The following EPB41L3 variants were observed in gnomAD, a reference collection of about 807,000 sequenced individuals.
The protein encoded by EPB41L3 is band 4.1-like protein 3.
In EPB41L3, 57 loss-of-function variants were observed where a neutral mutation model predicts 127.1. The observed-to-expected ratio is 0.45, with a 90% CI of 0.36 to 0.56. EPB41L3 has a LOEUF of 0.56. Ranked by LOEUF, EPB41L3 falls within the 20% of genes least tolerant of loss-of-function variation. The probability of loss-of-function intolerance (pLI) is 0.00; values close to 1 mark genes in which losing one functional copy is unlikely to be tolerated. For synonymous variants in EPB41L3, 572 were observed against 549.5 expected (o/e 1.04, Z -0.57); for missense variants, 1,273 against 1,372.2 (o/e 0.93, Z 1.14).
intron 3 of EPB41L3, among the ~76,000 whole-genome samples, chr18:5,582,093 G>C (rs1446714347): frequency 6.6e-6 from 1 of 152,212 alleles, no homozygotes; most frequent in East Asian, 1.9e-4. Context: ...GTTTTACATC[G>C]AACTAGAAAC....
rs367976460 is a variant in EPB41L3 at position 5,617,993 on chromosome 18, G to A, written c.-467-3570C>T. 1.1e-4 allele frequency among the ~76,000 whole-genome samples: 17 copies of A among 152,262 alleles called. No individual in the cohort carries two copies. In the East Asian group the frequency reaches 1.9e-3, roughly 17 times the overall value. ...GGCTTCCTGTTCCAAGGTCCCATAA[G>A]TAATATTAATACTGCAGTTCCAAAA... On this transcript the variant is annotated intron_variant, in intron 1 of 21. Coordinates refer to the EPB41L3 transcript ENST00000545076.
chr18:5,440,282 A>T (rs1469854152), intron 5 of EPB41L3, among the ~76,000 whole-genome samples: 2 of 152,182 alleles, frequency 1.3e-5, no homozygotes, highest in African/African-American at 2.4e-5. Context: ...CACACAAAAA[A>T]CACATCTTTC....
At chr18:5,550,730 GA>G (rs2093952408) in intron 3 of EPB41L3, among the ~76,000 whole-genome samples, 1 of 152,164 alleles carries the variant, frequency 6.6e-6, no homozygotes, top group African/African-American at 2.4e-5. Context: ...ACTGGGAGAT[GA>G]AATTGTGTTC....
chr18:5,561,364 G>A (rs1046397729), intron 3 of EPB41L3, among the ~76,000 whole-genome samples: 5 of 152,120 alleles, frequency 3.3e-5, no homozygotes, highest in Admixed American at 6.6e-5. Context: ...TTTAAAAAGG[G>A]GACAGGGGGA....
intron 1 of EPB41L3, among the ~76,000 whole-genome samples, chr18:5,517,183 A>T (rs979136996): frequency 1.4e-4 from 21 of 152,136 alleles, no homozygotes; most frequent in Non-Finnish European, 2.4e-4. Flanking sequence ...ATGAATGAAC[A>T]AATCAGAGGA....
intron 1 of EPB41L3, among the ~76,000 whole-genome samples, chr18:5,537,825 G>A (rs746202509): frequency 7.2e-5 from 11 of 152,062 alleles, no homozygotes; most frequent in Non-Finnish European, 1.3e-4. Context: ...GTCAAAATGG[G>A]AAATGAAGAA....
At position 5,423,093 on chromosome 18, in the gene EPB41L3, G is replaced by C. The variant is rs550379076; in HGVS notation, c.1339+285C>G. On this transcript the variant is annotated intron_variant, in intron 11 of 22. Coordinates refer to ENST00000341928, the MANE Select transcript of EPB41L3 (RefSeq NM_012307.5). ...TGTGACTACTATATTTAGAATGAGAGCATCTTTCTCCAAATTCAGGGTGTC... is the reference window on the plus strand; with the variant it reads ...TGTGACTACTATATTTAGAATGAGACCATCTTTCTCCAAATTCAGGGTGTC... Among the ~76,000 whole-genome samples the C allele has an allele frequency of 2.4e-3, 360 of 152,212 alleles. 4 individuals are homozygous for C. Among genetic ancestry groups the C allele is most frequent in the Non-Finnish European group, 2.5e-3 (170 of 68,018 alleles).
At chr18:5,552,157 T>G (rs532925072) in intron 3 of EPB41L3, among the ~76,000 whole-genome samples, 1 of 152,336 alleles carries the variant, frequency 6.6e-6, no homozygotes, top group African/African-American at 2.4e-5. Flanking sequence ...ACGAAGTGAG[T>G]CAATTTTGAA....
intron 3 of EPB41L3, among the ~76,000 whole-genome samples, chr18:5,598,621 T>C (rs1015421614): frequency 6.6e-6 from 1 of 152,206 alleles, no homozygotes; most frequent in Admixed American, 6.5e-5. Flanking sequence ...CCATATTAGA[T>C]AATACAGTAT....
intron 1 of EPB41L3, among the ~76,000 whole-genome samples, chr18:5,504,205 C>T (rs1403200214): frequency 3.3e-5 from 5 of 152,156 alleles, no homozygotes; most frequent in Non-Finnish European, 7.3e-5. Context: ...CCAGACCTTA[C>T]CCAGGACTTT....
At chr18:5,495,516 G>A (rs1439782224) in intron 1 of EPB41L3, among the ~76,000 whole-genome samples, 1 of 151,774 alleles carries the variant, frequency 6.6e-6, no homozygotes, top group East Asian at 1.9e-4. Context: ...ACCATGCCCA[G>A]GGTGTTGAGA....
intron 1 of EPB41L3, among the ~76,000 whole-genome samples, chr18:5,625,693 C>T (rs1025250118): frequency 9.2e-5 from 14 of 152,116 alleles, no homozygotes; most frequent in Non-Finnish European, 1.9e-4. Context: ...AGCTTGTTGC[C>T]AGAGCAGCTC....
Position 5,394,730 on chromosome 18 carries a change from C to T in EPB41L3, c.3217G>A (p.Val1073Met), listed in dbSNP as rs781206421. Residue 1073 changes from valine (V) to methionine (M), a missense_variant, in exon 22 of 23, where the codon GTG (valine) becomes ATG (methionine). By Grantham distance (21) the Val-to-Met change is conservative. This residue lies in a region of EPB41L3 where 765 missense variants were observed against 782.9 expected (regional missense o/e 0.98). Transcript: ENST00000341928. ...GTGATCTCTGTCTCTTTATGGACCA[C>T]TACTTTGGTCACTGACATGTCAGGG... ...QHPDMSVTKV[V>M]VHKETEITPE... 6.2e-7 allele frequency: 1 copy of T among 1,614,050 alleles called. No individual in the cohort carries two copies. The highest frequency in any genetic ancestry group is 8.5e-7 in the Non-Finnish European group (1 of 1,180,028).
chr18:5,538,141 A>G (rs556622143), intron 1 of EPB41L3, among the ~76,000 whole-genome samples: 1 of 152,340 alleles, frequency 6.6e-6, no homozygotes, highest in South Asian at 2.1e-4. Context: ...TTCAACGCAT[A>G]AAGAAAATAT....
Position 5,415,996 on chromosome 18 carries a change from G to A in EPB41L3, c.1889C>T (p.Pro630Leu), listed in dbSNP as rs548784436. The A allele has an allele frequency of 7.6e-5, 123 of 1,614,132 alleles. No homozygotes were observed. Among genetic ancestry groups the A allele is most frequent in the Middle Eastern group, 1.6e-4 (1 of 6,062 alleles). ...GAAGAGGAAACAGGGCACAAGGGAC[G>A]GTGAGCGGATCGGGAGGTAATGCTG... is the stretch of plus-strand genomic sequence containing the variant. The part of the protein sequence containing the change: ...SLQHYLPIRS[P>L]SLVPCFLFIF... The change falls in exon 13 of 23, where the codon CCG becomes CTG. Residue 630 changes from proline (P) to leucine (L), a missense_variant. Transcript: ENST00000341928.
At position 5,397,364 on chromosome 18, in the gene EPB41L3, C is replaced by T. The variant is rs374267593; in HGVS notation, c.2535G>A (p.Pro845=). 4.5e-5 allele frequency: 72 copies of T among 1,613,682 alleles called. No homozygotes were observed. The highest frequency in any genetic ancestry group is 5.6e-5 in the Non-Finnish European group (66 of 1,180,006). The change falls in exon 18 of 23, where the codon CCG becomes CCA. Residue 845 remains proline (P), a synonymous_variant. Transcript: ENST00000341928. This position sits in a 1 kb window ranked among gnomAD's most constrained non-coding sequence, Gnocchi z 4.1. ...IETEPTVHHL[P]LSTEKVVQET... ...CCTGCACCACCTTCTCAGTGCTAAG[C>T]GGCAGGTGGTGCACGGTGGGTTCCG... is the stretch of plus-strand genomic sequence containing the variant.
At chr18:5,561,144 A>ATTT (rs1448411004) in intron 3 of EPB41L3, among the ~76,000 whole-genome samples, 1 of 150,910 alleles carries the variant, frequency 6.6e-6, no homozygotes, top group Admixed American at 6.6e-5. Context: ...CGCCCGGCTA[A>ATTT]TGTCTTGTAT....
intron 3 of EPB41L3, among the ~76,000 whole-genome samples, chr18:5,464,004 C>T (rs2147209957): frequency 6.6e-6 from 1 of 152,160 alleles, no homozygotes; most frequent in Non-Finnish European, 1.5e-5. Flanking sequence ...GCTTTCCACT[C>T]CAGCTCATTT....
At chr18:5,558,150 C>T (rs936529265) in intron 3 of EPB41L3, among the ~76,000 whole-genome samples, 45 of 152,316 alleles carry the variant, frequency 3.0e-4, no homozygotes, top group African/African-American at 1.0e-3. Flanking sequence ...AGTGACTTCT[C>T]TGAGGTCACA....
Sources: gnomAD v4.1 joint callset for allele counts (sites outside exome capture counted in the v4.1 genomes callset) on GRCh38, gnomAD v4.1.1 for gene constraint, gnomAD v4.1.1 regional missense constraint, Gnocchi (gnomAD v3.1) non-coding constraint, MANE v1.5 for transcripts, NCBI Gene and HGNC (gene_info 2026-07-23, HGNC 2026-07-21) for gene names.